LRP1B: variants seen among roughly 807,000 people sequenced by gnomAD.
The protein encoded by LRP1B is LDL receptor related protein 1B, also known as low-density lipoprotein receptor-related protein 1B.
In LRP1B, 217 loss-of-function variants were observed where a neutral mutation model predicts 556.6. The ratio of observed to expected loss-of-function variants is 0.39; its 90% CI spans 0.35 to 0.44. The LOEUF (loss-of-function observed/expected upper bound fraction) is 0.44. Among genes scored for constraint, LRP1B ranks in the 20% least tolerant of loss-of-function variants. LRP1B has a pLI of 1.00. For synonymous variants in LRP1B, 2,047 were observed against 1,865.8 expected (o/e 1.10, Z -2.50); for missense variants, 5,053 against 5,620.8 (o/e 0.90, Z 3.23).
chr2:140,557,070 A>AT (rs1389247271), intron 43 of LRP1B, among the ~76,000 whole-genome samples: 2 of 152,130 alleles, frequency 1.3e-5, no homozygotes, highest in Non-Finnish European at 2.9e-5. Context: ...TCATATACAC[A>AT]TCTTCTTAAC....
intron 14 of LRP1B, among the ~76,000 whole-genome samples, chr2:141,008,213 T>C (rs1020039546): frequency 6.6e-6 from 1 of 151,546 alleles, no homozygotes; most frequent in African/African-American, 2.4e-5. Context: ...TAATAGCTGC[T>C]GTTAATGAAA....
intron 1 of LRP1B, among the ~76,000 whole-genome samples, chr2:142,123,530 C>T (rs1707529662): frequency 6.6e-6 from 1 of 151,886 alleles, no homozygotes; most frequent in African/African-American, 2.4e-5. Flanking sequence ...GAAGGCTAAG[C>T]CAGTCAGGAC....
intron 5 of LRP1B, among the ~76,000 whole-genome samples, chr2:141,243,190 A>T (rs567168172): frequency 6.6e-6 from 1 of 150,768 alleles, no homozygotes; most frequent in Non-Finnish European, 1.5e-5. Context: ...TTAGAAAAAT[A>T]GCTAGCTTTT....
chr2:141,905,780 T>C lies in LRP1B; in HGVS notation c.83-95379A>G, dbSNP rs1332409683. ...GTTTGAATAGATGTGTGTGTGTGTGTGTGTGTGTGTGTGTGTGTGTGTGTG... is the reference window on the plus strand; with the variant it reads ...GTTTGAATAGATGTGTGTGTGTGTGCGTGTGTGTGTGTGTGTGTGTGTGTG... On this transcript the variant is annotated intron_variant, in intron 1 of 90. Transcript: ENST00000389484. 2.0e-5 allele frequency among the ~76,000 whole-genome samples: 3 copies of C among 150,662 alleles called. No individual in the cohort carries two copies. In the Admixed American group the frequency reaches 2.0e-4, roughly 10 times the overall value.
chr2:141,000,470 A>C (rs1697384624), intron 15 of LRP1B, among the ~76,000 whole-genome samples: 1 of 152,098 alleles, frequency 6.6e-6, no homozygotes, highest in South Asian at 2.1e-4. Context: ...GGTGATACCC[A>C]GAATATGGTA....
At position 140,358,915 on chromosome 2, in the gene LRP1B, G is replaced by A. The variant is rs141361379; in HGVS notation, c.11163C>T (p.His3721=). 86 of 1,608,138 alleles carry A rather than the reference G, an allele frequency of 5.3e-5. No homozygotes were observed. The highest frequency in any genetic ancestry group is 7.1e-5 in the Non-Finnish European group (84 of 1,175,842). Residue 3721 remains histidine, a synonymous_variant, in exon 73 of 91, where the codon CAC becomes CAT. Coordinates refer to ENST00000389484, the MANE Select transcript of LRP1B (RefSeq NM_018557.3). ...VKFLCPSTRP[H]RCRNNRICLQ... ...GGCATATTCTGTTATTTCTGCATCTGTGAGGTCTCGTGGATGGACAAAGAA... is the reference window on the plus strand; with the variant it reads ...GGCATATTCTGTTATTTCTGCATCTATGAGGTCTCGTGGATGGACAAAGAA...
chr2:140,399,963 G>A (rs13027596), intron 66 of LRP1B, among the ~76,000 whole-genome samples: 13,319 of 152,072 alleles, frequency 0.088, 686 homozygotes, highest in Middle Eastern at 0.14. Context: ...TTTAAAATCC[G>A]ATTTCAGTTG....
rs765252313 is a variant in LRP1B, at chr2:140,769,313, A to T, written c.5658T>A (p.His1886Gln). Residue 1886 changes from histidine to glutamine, a missense_variant, in exon 35 of 91, where the codon CAT (histidine) becomes CAA (glutamine). His to Gln is a conservative substitution (Grantham distance 24). Coordinates refer to ENST00000389484, the MANE Select transcript of LRP1B (RefSeq NM_018557.3). ...CAAGAGGTATTCCCCTGATTCCTTC[A>T]TGAACAGAGTACATAAGAAATGATT... ...GIESFLMYSV[H>Q]EGIRGIPLEP... 1 of 1,611,880 alleles carries T rather than the reference A, an allele frequency of 6.2e-7. No homozygotes were observed. Among genetic ancestry groups the T allele is most frequent in the Non-Finnish European group, 8.5e-7 (1 of 1,178,520 alleles).
At chr2:141,394,290 T>A (rs895183407) in intron 3 of LRP1B, among the ~76,000 whole-genome samples, 1 of 152,118 alleles carries the variant, frequency 6.6e-6, no homozygotes, top group East Asian at 1.9e-4. Context: ...ACTTTTCTGG[T>A]AAAATAAGAC....
intron 2 of LRP1B, among the ~76,000 whole-genome samples, chr2:141,497,956 A>C (rs2105126186): frequency 7.1e-6 from 1 of 140,462 alleles, no homozygotes; most frequent in South Asian, 2.3e-4. Flanking sequence ...ACACAGTCAT[A>C]CGAAAAAAAT....
intron 2 of LRP1B, among the ~76,000 whole-genome samples, chr2:141,674,510 C>T (rs932287223): frequency 6.6e-6 from 1 of 152,026 alleles, no homozygotes; most frequent in South Asian, 2.1e-4. Context: ...TAAACATTCT[C>T]ATAAAGCTAT....
chr2:141,512,188 CA>C (rs1257265699), intron 2 of LRP1B, among the ~76,000 whole-genome samples: 1 of 152,090 alleles, frequency 6.6e-6, no homozygotes, highest in Admixed American at 6.6e-5. Context: ...TAAAATTTAT[CA>C]TGTTTATTAA....
intron 1 of LRP1B, among the ~76,000 whole-genome samples, chr2:141,902,968 T>C (rs1168668842): frequency 1.3e-5 from 2 of 151,978 alleles, no homozygotes; most frequent in African/African-American, 4.8e-5. Flanking sequence ...GTTTTCTTAC[T>C]GTTCGTAATG....
At chr2:141,565,893 C>T (rs58536842) in intron 2 of LRP1B, among the ~76,000 whole-genome samples, 5,410 of 152,112 alleles carry the variant, frequency 0.036, 147 homozygotes, top group East Asian at 0.12. Context: ...ATATAACTAA[C>T]ATTATTGAGC....
At chr2:140,268,776 T>C (rs949893808) in intron 86 of LRP1B, among the ~76,000 whole-genome samples, 2 of 151,748 alleles carry the variant, frequency 1.3e-5, no homozygotes, top group Non-Finnish European at 2.9e-5. Context: ...AAATAAAATT[T>C]CTGGAAATTT....
At position 142,106,651 on chromosome 2, in the gene LRP1B, T is replaced by C. The variant is rs374604259; in HGVS notation, c.82+23997A>G. On this transcript the variant is annotated intron_variant, in intron 1 of 90. Coordinates refer to ENST00000389484, the MANE Select transcript of LRP1B (RefSeq NM_018557.3). ...ATGCCATTGCCCACTGCAAACATCCTCTTGCCTCCCCACACCTCACCCAAA... is the reference window on the plus strand; with the variant it reads ...ATGCCATTGCCCACTGCAAACATCCCCTTGCCTCCCCACACCTCACCCAAA... Among the ~76,000 whole-genome samples, 9 of 152,274 alleles carry C rather than the reference T, an allele frequency of 5.9e-5. No individual in the cohort carries two copies. In the East Asian group the frequency reaches 1.4e-3, roughly 23 times the overall value.
intron 1 of LRP1B, among the ~76,000 whole-genome samples, chr2:141,870,727 T>C (rs961183065): frequency 3.4e-4 from 52 of 152,056 alleles, no homozygotes; most frequent in African/African-American, 1.3e-3. Flanking sequence ...GGATGGGATA[T>C]GTCACTCTTA....
intron 1 of LRP1B, among the ~76,000 whole-genome samples, chr2:141,980,201 G>A (rs1053690005): frequency 5.3e-5 from 8 of 152,040 alleles, no homozygotes; most frequent in African/African-American, 1.9e-4. Flanking sequence ...TCATTACCTT[G>A]GAAATCAGTA....
At chr2:140,436,552 G>A (rs1443976223) in intron 66 of LRP1B, among the ~76,000 whole-genome samples, 2 of 151,390 alleles carry the variant, frequency 1.3e-5, no homozygotes, top group Admixed American at 1.3e-4. Flanking sequence ...GAAGTGGAAA[G>A]CAGTAAAGCA....
Sources: gnomAD v4.1 joint callset for allele counts (sites outside exome capture counted in the v4.1 genomes callset) on GRCh38, gnomAD v4.1.1 for gene constraint, MANE v1.5 for transcripts, NCBI Gene and HGNC (gene_info 2026-07-23, HGNC 2026-07-21) for gene names.